ALPK2: variants seen among roughly 807,000 people sequenced by gnomAD.
ALPK2 encodes the protein alpha-protein kinase 2.
In ALPK2, 127 loss-of-function variants were observed where a neutral mutation model predicts 163.1. The ratio of observed to expected loss-of-function variants is 0.78; its 90% confidence interval spans 0.67 to 0.90. The LOEUF is 0.90. Among genes scored for constraint, ALPK2 ranks in the 40% least tolerant of loss-of-function variants. ALPK2 has a pLI of 0.00. For synonymous variants in ALPK2, 953 were observed against 959.1 expected (o/e 0.99, Z 0.12); for missense variants, 2,360 against 2,589.6 (o/e 0.91, Z 1.92).
chr18:58,578,822 G>A lies in ALPK2; in HGVS notation c.1954C>T (p.Pro652Ser). ...TAAAAGAAAAGTCTTACCTGAGGAG[G>A]ATCACTCCAGTCTGGAACCTGGCTT... is the stretch of plus-strand genomic sequence containing the variant. ...ETSQVPDWSDPPQVQVQETVR... is the reference protein window; with the variant it reads ...ETSQVPDWSDSPQVQVQETVR... The change falls in exon 4 of 13, where the codon CCT (proline) becomes TCT (serine). Residue 652 changes from proline (P) to serine (S), a missense_variant. Coordinates refer to ENST00000361673, the MANE Select transcript of ALPK2 (RefSeq NM_052947.4). 1 of 1,609,186 alleles carries A rather than the reference G, an allele frequency of 6.2e-7. No homozygotes were observed. The highest frequency in any genetic ancestry group is 1.1e-5 in the South Asian group (1 of 90,852).
In ALPK2 at chr18:58,481,723, G is replaced by T. The variant is rs1407477588; in HGVS notation, c.*100C>A. ...GTCGGCTGGGAGTAAGGATTGCCAC[G>T]CACTCTCTGCAGGCTGTATATTCTC... On this transcript the variant is annotated 3_prime_UTR_variant, in exon 13 of 13. Coordinates refer to ENST00000361673, the MANE Select transcript of ALPK2 (RefSeq NM_052947.4). 1 of 936,786 alleles carries T rather than the reference G, an allele frequency of 1.1e-6. No homozygotes were observed. The highest frequency in any genetic ancestry group is 1.7e-6 in the Non-Finnish European group (1 of 596,168). 58.0% of individuals were successfully genotyped at this position (936,786 alleles called of 1,614,324 possible). A position where few individuals can be genotyped will look rare whatever the true frequency, so the allele number is the denominator to read the frequency against.
intron 3 of ALPK2, among the ~76,000 whole-genome samples, chr18:58,584,151 G>A (rs954692911): frequency 1.3e-5 from 2 of 152,222 alleles, no homozygotes; most frequent in Non-Finnish European, 2.9e-5. Flanking sequence ...ACATGTTTTA[G>A]TTGATAAGAG....
chr18:58,483,473 A>C (rs1463491825), intron 12 of ALPK2, among the ~76,000 whole-genome samples: 1 of 152,182 alleles, frequency 6.6e-6, no homozygotes, highest in Non-Finnish European at 1.5e-5. Flanking sequence ...TTCTGCCTGC[A>C]GTATTCCCCC....
intron 3 of ALPK2, among the ~76,000 whole-genome samples, chr18:58,589,147 C>T (rs535261071): frequency 6.6e-6 from 1 of 152,278 alleles, no homozygotes. Flanking sequence ...GGAAGATGGG[C>T]ATTAGCATGG....
chr18:58,618,334 A>G (rs1478713504), intron 1 of ALPK2, among the ~76,000 whole-genome samples: 1 of 151,804 alleles, frequency 6.6e-6, no homozygotes, highest in Non-Finnish European at 1.5e-5. Flanking sequence ...GGCATGAGCC[A>G]CCCCGCCTGG....
Position 58,537,113 on chromosome 18 carries a change from A to T in ALPK2, c.3074T>A (p.Val1025Glu). The change falls in exon 5 of 13, where the codon GTG (valine) becomes GAG (glutamate). Residue 1025 changes from valine to glutamate, a missense_variant. Val to Glu is a moderately radical substitution (Grantham distance 121). Transcript: ENST00000361673. The stretch of plus-strand genomic sequence containing the variant: ...TGCATGCTTGTCCTCAGGAATTGAC[A>T]CAGCAAGGTATTTGGCTGGGTGGAC... ...TEVHPAKYLA[V>E]SIPEDKHAGG... The T allele has an allele frequency of 6.2e-7, 1 of 1,614,154 alleles. No individual in the cohort carries two copies. Among genetic ancestry groups the T allele is most frequent in the Non-Finnish European group, 8.5e-7 (1 of 1,179,984 alleles).
chr18:58,512,804 T>C (rs1436194689), intron 10 of ALPK2, among the ~76,000 whole-genome samples: 1 of 138,202 alleles, frequency 7.2e-6, no homozygotes, highest in Admixed American at 7.1e-5. Flanking sequence ...GTGTGTGTGA[T>C]GTGTGTGAGG....
intron 12 of ALPK2, among the ~76,000 whole-genome samples, chr18:58,483,594 A>G (rs1369671812): frequency 6.6e-6 from 1 of 151,488 alleles, no homozygotes; most frequent in African/African-American, 2.4e-5. Flanking sequence ...CTTGTTGCCC[A>G]GGCTGGAGTG....
intron 4 of ALPK2, among the ~76,000 whole-genome samples, chr18:58,543,890 G>A (rs149103548): frequency 3.3e-5 from 5 of 152,264 alleles, no homozygotes; most frequent in African/African-American, 1.2e-4. Context: ...AATCAGGTAA[G>A]TTGGAATAAA....
At chr18:58,502,284 G>T (rs2051436620) in intron 11 of ALPK2, among the ~76,000 whole-genome samples, 1 of 152,102 alleles carries the variant, frequency 6.6e-6, no homozygotes, top group Non-Finnish European at 1.5e-5. Context: ...GAGTCCAGGA[G>T]GTTGAGGCTG....
chr18:58,507,369 A>C (rs1037542607), intron 10 of ALPK2, among the ~76,000 whole-genome samples: 2 of 152,328 alleles, frequency 1.3e-5, no homozygotes, highest in Non-Finnish European at 1.5e-5. Context: ...CAAAAATGGC[A>C]TGGGTTTTGA....
At chr18:58,486,989 A>G (rs2051342194) in intron 12 of ALPK2, among the ~76,000 whole-genome samples, 2 of 152,324 alleles carry the variant, frequency 1.3e-5, no homozygotes, top group South Asian at 4.1e-4. Flanking sequence ...CGCTGCCTTG[A>G]GGGTTGAATC....
rs2051520500 is a variant in ALPK2 at position 58,516,199 on chromosome 18, G to T, written c.5940+709C>A. On this transcript the variant is annotated intron_variant, in intron 9 of 12. Coordinates refer to ENST00000361673, the MANE Select transcript of ALPK2 (RefSeq NM_052947.4). ...CATGCCACTGTACTCCAGCCTGGGG[G>T]AAAGAGTGAGACACTGTCTCAAAAA... Among the ~76,000 whole-genome samples, 8 of 150,468 alleles carry T rather than the reference G, an allele frequency of 5.3e-5. No homozygotes were observed. In the South Asian group the frequency reaches 1.7e-3, roughly 32 times the overall value.
Position 58,529,253 on chromosome 18 carries a change from T to C in ALPK2, c.5354-15A>G, listed in dbSNP as rs759594298. On this transcript the variant is annotated splice_polypyrimidine_tract_variant and intron_variant, in intron 5 of 12. Transcript: ENST00000361673. Reference sequence around the variant, plus strand: ...TAATACTGGAGCTAGAAACAAGATATTTGAAGGTCAGTGTAACAAAAGACT... The same window carrying C: ...TAATACTGGAGCTAGAAACAAGATACTTGAAGGTCAGTGTAACAAAAGACT... 4 of 1,606,480 alleles carry C rather than the reference T, an allele frequency of 2.5e-6. No individual in the cohort carries two copies. Among genetic ancestry groups the C allele is most frequent in the Non-Finnish European group, 3.4e-6 (4 of 1,176,078 alleles).
intron 10 of ALPK2, among the ~76,000 whole-genome samples, chr18:58,512,584 G>C (rs80336741): frequency 0.11 from 17,350 of 152,028 alleles, 1,197 homozygotes; most frequent in Non-Finnish European, 0.16. Context: ...AGCTCTGTGT[G>C]CGTGTGTTGT....
chr18:58,590,218 T>TAAA (rs11286325), intron 3 of ALPK2, among the ~76,000 whole-genome samples: 2 of 97,244 alleles, frequency 2.1e-5, no homozygotes, highest in Non-Finnish European at 4.1e-5. Context: ...AGGCTCCATC[T>TAAA]AAAAAAAAAA....
intron 1 of ALPK2, among the ~76,000 whole-genome samples, chr18:58,613,715 AAT>A (rs1568101786): frequency 7.8e-5 from 6 of 77,016 alleles, no homozygotes; most frequent in African/African-American, 3.1e-4. Flanking sequence ...AAAAAATAAT[AAT>A]AATAATAATA....
At position 58,534,871 on chromosome 18, in the gene ALPK2, T is replaced by C; in HGVS notation, c.5316A>G (p.Gln1772=). The change falls in exon 5 of 13, where the codon CAA becomes CAG. Residue 1772 remains glutamine, a synonymous_variant. Transcript: ENST00000361673. ...TTTTGCAAGATGGCTTTTTTGGGTC[T>C]TGTTTCTCTTCTGTGTGTGATAATG... is the stretch of plus-strand genomic sequence containing the variant. ...ETSLSHTEEK[Q]DPKKPSCKRE... 6.2e-7 allele frequency: 1 copy of C among 1,611,482 alleles called. No individual in the cohort carries two copies. Among genetic ancestry groups the C allele is most frequent in the Non-Finnish European group, 8.5e-7 (1 of 1,179,210 alleles).
At chr18:58,522,517 A>G (rs1214663186) in intron 8 of ALPK2, among the ~76,000 whole-genome samples, 1 of 152,228 alleles carries the variant, frequency 6.6e-6, no homozygotes, top group Admixed American at 6.5e-5. Flanking sequence ...CATGAGCAGC[A>G]GTGTTAGGCT....
Sources: gnomAD v4.1 joint callset for allele counts (sites outside exome capture counted in the v4.1 genomes callset) on GRCh38, gnomAD v4.1.1 for gene constraint, MANE v1.5 for transcripts, NCBI Gene and HGNC (gene_info 2026-07-23, HGNC 2026-07-21) for gene names.